Variants in SPTLC1 observed in about 807,000 individuals in gnomAD.
SPTLC1 encodes the protein serine palmitoyltransferase long chain base subunit 1.
Under a neutral mutation model 68.9 loss-of-function variants are expected in SPTLC1, and 55 were observed. The ratio of observed to expected loss-of-function variants is 0.80; its 90% CI spans 0.64 to 1.00. SPTLC1 has a LOEUF of 1.00. Ranked by LOEUF, SPTLC1 falls within the 50% of genes least tolerant of loss-of-function variation. The probability of loss-of-function intolerance (pLI) is 0.00; values close to 1 mark genes in which losing one functional copy is unlikely to be tolerated. For missense variants in SPTLC1, 449 were observed against 573.1 expected (o/e 0.78, Z 2.21); for synonymous variants, 197 against 201.6 (o/e 0.98, Z 0.19).
At chr9:92,089,588 A>G (rs568152261) in intron 3 of SPTLC1, among the ~76,000 whole-genome samples, 1 of 152,338 alleles carries the variant, frequency 6.6e-6, no homozygotes, top group East Asian at 1.9e-4. Context: ...CAAAAATATG[A>G]AAGAGTACAT....
intron 3 of SPTLC1, among the ~76,000 whole-genome samples, chr9:92,094,975 C>T (rs1260413429): frequency 1.3e-5 from 2 of 152,176 alleles, no homozygotes; most frequent in African/African-American, 4.8e-5. Context: ...TAAGATTCAT[C>T]CCCACTTCAA....
chr9:92,039,420 T>C (rs1198289979), intron 12 of SPTLC1, among the ~76,000 whole-genome samples: 2 of 151,874 alleles, frequency 1.3e-5, no homozygotes, highest in Non-Finnish European at 2.9e-5. Context: ...ATACTACTAT[T>C]ATTATTATTA....
intron 3 of SPTLC1, chr9:92,104,881 G>C: frequency 1.3e-6 from 2 of 1,533,328 alleles, no homozygotes; most frequent in Non-Finnish European, 1.7e-6. Flanking sequence ...AGGCCCAGGT[G>C]CATGCAGTGA....
At chr9:92,067,304 CAAA>C (rs770486590) in intron 6 of SPTLC1, among the ~76,000 whole-genome samples, 1 of 98,876 alleles carries the variant, frequency 1.0e-5, no homozygotes, top group Non-Finnish European at 2.0e-5. Flanking sequence ...ATCTCACACA[CAAA>C]AAAAAAAAAA....
At chr9:92,059,745 A>G (rs115924778) in intron 6 of SPTLC1, among the ~76,000 whole-genome samples, 2,061 of 152,264 alleles carry the variant, frequency 0.014, 40 homozygotes, top group African/African-American at 0.048. Context: ...GACAATGACT[A>G]TTCTACTGTA....
At chr9:92,086,298 G>T (rs1042243325) in intron 3 of SPTLC1, among the ~76,000 whole-genome samples, 24 of 151,964 alleles carry the variant, frequency 1.6e-4, no homozygotes, top group African/African-American at 5.3e-4. Context: ...ATGTTAGCTG[G>T]TTATTTTGCT....
chr9:92,038,159 G>A, intron 13 of SPTLC1, 89 bp downstream of exon 13: 1 of 893,638 alleles, frequency 1.1e-6, no homozygotes, highest in Non-Finnish European at 1.9e-6. Context: ...AGGGCAAAGA[G>A]ACTTTTCTTA....
At chr9:92,053,126 CAAACAAAA>C (rs1232505507) in intron 8 of SPTLC1, among the ~76,000 whole-genome samples, 4 of 144,244 alleles carry the variant, frequency 2.8e-5, no homozygotes, top group Admixed American at 7.2e-5. Context: ...AACAAACAAA[CAAACAAAA>C]AAAAAAACAA....
intron 12 of SPTLC1, among the ~76,000 whole-genome samples, chr9:92,045,520 G>A (rs1431931063): frequency 3.4e-5 from 1 of 29,594 alleles, no homozygotes; most frequent in African/African-American, 2.0e-4. Flanking sequence ...TGACTCTTGT[G>A]TAGTAAAAAA....
At chr9:92,074,494 C>T (rs758289534) in intron 5 of SPTLC1, among the ~76,000 whole-genome samples, 3 of 152,076 alleles carry the variant, frequency 2.0e-5, no homozygotes, top group Non-Finnish European at 4.4e-5. Context: ...TTTCATCTCC[C>T]CACCTTAACC....
chr9:92,049,046 C>G lies in SPTLC1; in HGVS notation c.888+914G>C, dbSNP rs539383477. 4.6e-5 allele frequency among the ~76,000 whole-genome samples: 7 copies of G among 152,294 alleles called. No homozygotes were observed. The South Asian group carries it at 1.5e-3, about 32-fold the overall frequency. ...TGCTAAATCTGCTTGAATTACACTTCCATTTATCTTTCCATTTATTCCATT... is the reference window on the plus strand; with the variant it reads ...TGCTAAATCTGCTTGAATTACACTTGCATTTATCTTTCCATTTATTCCATT... On this transcript the variant is annotated intron_variant, in intron 9 of 14. Coordinates refer to ENST00000262554, the MANE Select transcript of SPTLC1 (RefSeq NM_006415.4).
intron 14 of SPTLC1, among the ~76,000 whole-genome samples, chr9:92,033,683 G>A (rs1301782726): frequency 6.6e-6 from 1 of 152,168 alleles, no homozygotes; most frequent in Non-Finnish European, 1.5e-5. Flanking sequence ...AGCCTCCCAA[G>A]TAGCTGGGAC....
At chr9:92,044,237 A>C (rs1321734144) in intron 12 of SPTLC1, among the ~76,000 whole-genome samples, 1 of 152,226 alleles carries the variant, frequency 6.6e-6, no homozygotes, top group Admixed American at 6.5e-5. Flanking sequence ...GGTAATGAGA[A>C]GAAAAGAGAA....
intron 5 of SPTLC1, among the ~76,000 whole-genome samples, chr9:92,073,438 G>A (rs1440021291): frequency 6.6e-6 from 1 of 152,216 alleles, no homozygotes; most frequent in Non-Finnish European, 1.5e-5. Flanking sequence ...TAGCCAGGCA[G>A]GACTACATGA....
intron 13 of SPTLC1, among the ~76,000 whole-genome samples, chr9:92,037,300 C>T (rs1384695178): frequency 6.6e-6 from 1 of 152,188 alleles, no homozygotes; most frequent in Non-Finnish European, 1.5e-5. Context: ...ACCCCAGAAA[C>T]CTAGTAGCAT....
intron 2 of SPTLC1, chr9:92,111,151 A>G (rs905485785): frequency 6.6e-6 from 1 of 152,192 alleles, no homozygotes; most frequent in Non-Finnish European, 1.5e-5. Context: ...GTATTTCCAA[A>G]TTAATTTTCC....
At chr9:92,103,127 A>G (rs1364003261) in intron 3 of SPTLC1, among the ~76,000 whole-genome samples, 1 of 152,272 alleles carries the variant, frequency 6.6e-6, no homozygotes, top group Non-Finnish European at 1.5e-5. Context: ...CATATGGAAT[A>G]ATCCACTGGC....
At chr9:92,056,477 C>T (rs146472580) in intron 7 of SPTLC1, among the ~76,000 whole-genome samples, 8 of 152,290 alleles carry the variant, frequency 5.3e-5, no homozygotes, top group East Asian at 3.9e-4. Flanking sequence ...TTACTGACCT[C>T]GGCCTCTCAA....
At chr9:92,049,527 A>C (rs1833636068) in intron 9 of SPTLC1, among the ~76,000 whole-genome samples, 2 of 152,212 alleles carry the variant, frequency 1.3e-5, no homozygotes, top group Non-Finnish European at 2.9e-5. Context: ...GCGTAACTGT[A>C]TCTACCTCCC....
Sources: allele counts gnomAD v4.1 joint callset (sites outside exome capture counted in the v4.1 genomes callset), GRCh38; gene constraint gnomAD v4.1.1; transcripts MANE v1.5; gene names NCBI Gene and HGNC (gene_info 2026-07-23, HGNC 2026-07-21).